Variants in TRPC5 observed in about 807,000 individuals in gnomAD.
TRPC5 encodes short transient receptor potential channel 5.
TRPC5 carries 9 observed loss-of-function variants against 56.5 expected under a neutral mutation model. The ratio of observed to expected loss-of-function variants is 0.16; its 90% CI spans 0.10 to 0.28. The LOEUF is 0.28. Among genes scored for constraint, TRPC5 ranks in the 10% least tolerant of loss-of-function variants. TRPC5 has a pLI of 1.00. For synonymous variants in TRPC5, 282 were observed against 278.5 expected, an observed-to-expected ratio of 1.01 and a Z score of -0.13; for missense variants, 469 against 748.9, an observed-to-expected ratio of 0.63 and a Z score of 4.36.
At chrX:112,066,628 C>T (rs1930591576) in intron 1 of TRPC5, among the ~76,000 whole-genome samples, 1 of 112,274 alleles carries the variant, frequency 8.9e-6, no homozygotes, top group African/African-American at 3.2e-5. Context: ...GGCAATTTAC[C>T]TAATGTCCCT....
At chrX:111,994,694 GCTAT>G (rs1280308904) in intron 1 of TRPC5, among the ~76,000 whole-genome samples, 1 of 111,063 alleles carries the variant, frequency 9.0e-6, no homozygotes, top group African/African-American at 3.3e-5. Flanking sequence ...TCACGATTTG[GCTAT>G]CTGTTTGTCT....
At chrX:112,006,244 A>G (rs1341016076) in intron 1 of TRPC5, among the ~76,000 whole-genome samples, 1 of 111,449 alleles carries the variant, frequency 9.0e-6, no homozygotes, top group African/African-American at 3.3e-5. Context: ...GGTCACTGTG[A>G]GTTACCTGAA....
chrX:112,055,218 G>C lies in TRPC5; in HGVS notation c.-22+26661C>G, dbSNP rs187713487. Among the ~76,000 whole-genome samples, 377 of 112,249 alleles carry C rather than the reference G, an allele frequency of 3.4e-3. 1 individual carries two copies. The highest frequency in any genetic ancestry group is 0.012 in the African/African-American group (369 of 30,971). The stretch of plus-strand genomic sequence containing the variant: ...ATCAGGGATTGAGGAGAAACTTAGT[G>C]TAAGCACAAGAAAATAATAAGGAAA... On this transcript the variant is annotated intron_variant, in intron 1 of 10. Transcript: ENST00000262839.
At chrX:112,039,942 G>T (rs2147725937) in intron 1 of TRPC5, among the ~76,000 whole-genome samples, 1 of 112,106 alleles carries the variant, frequency 8.9e-6, no homozygotes, top group East Asian at 2.8e-4. Flanking sequence ...TGAATATCTT[G>T]GAGGAAAGGC....
intron 1 of TRPC5, among the ~76,000 whole-genome samples, chrX:111,995,607 GT>G (rs1398499121): frequency 1.5e-3 from 172 of 110,970 alleles, no homozygotes; most frequent in African/African-American, 5.1e-3. Context: ...ACTTTTTTTG[GT>G]TTGGTAGGCT....
At chrX:111,783,956 G>A (rs1945939958) in intron 7 of TRPC5, among the ~76,000 whole-genome samples, 1 of 111,629 alleles carries the variant, frequency 9.0e-6, no homozygotes, top group East Asian at 2.8e-4. Context: ...TATAAGGGAA[G>A]AGGTTTATGT....
At chrX:111,843,873 AGTGTGTGTGTGTGTGTGTGTGT>A (rs547330564) in intron 6 of TRPC5, among the ~76,000 whole-genome samples, 287 of 72,602 alleles carry the variant, frequency 4.0e-3, no homozygotes, top group African/African-American at 0.014. Context: ...CAGTGGGATG[AGTGTGTGTGTGTGTGTGTGTGT>A]GTGTGTGTGT....
chrX:111,913,977 A>T (rs1333316113), intron 2 of TRPC5, among the ~76,000 whole-genome samples: 1 of 75,722 alleles, frequency 1.3e-5, no homozygotes, highest in East Asian at 4.8e-4. Flanking sequence ...AAAAAAAAAA[A>T]AAGTCTCTTT....
chrX:111,954,693 C>A (rs1199238483), intron 1 of TRPC5, among the ~76,000 whole-genome samples: 1 of 111,535 alleles, frequency 9.0e-6, no homozygotes, highest in East Asian at 2.8e-4. Flanking sequence ...GCTAGATGTC[C>A]TTTCAGATGG....
chrX:111,788,531 C>T (rs1342046255), intron 7 of TRPC5, among the ~76,000 whole-genome samples: 1 of 111,750 alleles, frequency 8.9e-6, no homozygotes, highest in Non-Finnish European at 1.9e-5. Context: ...TCTCACCACT[C>T]GTATTCAACA....
intron 1 of TRPC5, among the ~76,000 whole-genome samples, chrX:111,966,402 A>G (rs1927579132): frequency 1.8e-5 from 2 of 112,015 alleles, no homozygotes; most frequent in South Asian, 7.5e-4. Context: ...CCAGAGATAC[A>G]AGGAGGAACT....
chrX:111,940,169 A>G (rs946063377), intron 2 of TRPC5, among the ~76,000 whole-genome samples: 5 of 111,433 alleles, frequency 4.5e-5, no homozygotes, highest in Non-Finnish European at 9.4e-5. Context: ...CTATCATCCC[A>G]CTATTCTTTC....
At chrX:112,044,369 A>G (rs1184188110) in intron 1 of TRPC5, among the ~76,000 whole-genome samples, 9 of 111,964 alleles carry the variant, frequency 8.0e-5, no homozygotes, top group Non-Finnish European at 1.3e-4. Flanking sequence ...TAATTAGAAA[A>G]GACAATTATC....
intron 7 of TRPC5, among the ~76,000 whole-genome samples, chrX:111,809,671 C>A (rs764730023): frequency 3.6e-5 from 4 of 110,995 alleles, no homozygotes; most frequent in Non-Finnish European, 5.7e-5. Flanking sequence ...TATGAAGGTG[C>A]TTTACGGTGT....
intron 7 of TRPC5, among the ~76,000 whole-genome samples, chrX:111,802,883 T>C (rs1400188800): frequency 9.0e-6 from 1 of 111,366 alleles, no homozygotes; most frequent in Non-Finnish European, 1.9e-5. Flanking sequence ...TTTATTATTA[T>C]ACTTTAAGTT....
intron 3 of TRPC5, among the ~76,000 whole-genome samples, chrX:111,899,555 T>C (rs1484016038): frequency 9.0e-6 from 1 of 110,767 alleles, no homozygotes; most frequent in African/African-American, 3.3e-5. Flanking sequence ...CAGAGGAAGA[T>C]AGAGAAGCTG....
At chrX:111,977,778 C>T (rs1446728549) in intron 1 of TRPC5, among the ~76,000 whole-genome samples, 2 of 111,475 alleles carry the variant, frequency 1.8e-5, no homozygotes, top group African/African-American at 6.5e-5. Flanking sequence ...ACCAAAAATA[C>T]AAATAACCCA....
At chrX:111,900,282 C>T (rs1925276797) in intron 3 of TRPC5, among the ~76,000 whole-genome samples, 1 of 111,609 alleles carries the variant, frequency 9.0e-6, no homozygotes, top group African/African-American at 3.3e-5. Flanking sequence ...ATGACTACTT[C>T]CTAAGACTTT....
intron 7 of TRPC5, among the ~76,000 whole-genome samples, chrX:111,788,311 A>G (rs1053668455): frequency 1.7e-4 from 19 of 111,773 alleles, no homozygotes; most frequent in Non-Finnish European, 3.4e-4. Flanking sequence ...AACAACAAAA[A>G]CCACATGATT....
Sources: gnomAD v4.1 joint callset for allele counts (sites outside exome capture counted in the v4.1 genomes callset) on GRCh38, gnomAD v4.1.1 for gene constraint, MANE v1.5 for transcripts, NCBI Gene and HGNC (gene_info 2026-07-23, HGNC 2026-07-21) for gene names.